Variants in GLIS2 observed in about 807,000 individuals in gnomAD.
GLIS2 encodes GLIS family zinc finger 2, also known as zinc finger protein GLIS2.
Under a neutral mutation model 35.6 loss-of-function variants are expected in GLIS2, and 14 were observed. The ratio of observed to expected loss-of-function variants is 0.39; its 90% confidence interval spans 0.26 to 0.61. GLIS2 has a LOEUF of 0.61. Ranked by LOEUF, GLIS2 falls within the 20% of genes least tolerant of loss-of-function variation. The probability of loss-of-function intolerance (pLI) is 0.48; values close to 1 mark genes in which losing one functional copy is unlikely to be tolerated. For missense variants in GLIS2, 675 were observed against 713.4 expected (o/e 0.95, Z 0.61); for synonymous variants, 368 against 325.1 (o/e 1.13, Z -1.42).
At chr16:4,327,541 C>A (rs2053445714) in intron 1 of GLIS2, among the ~76,000 whole-genome samples, 1 of 152,212 alleles carries the variant, frequency 6.6e-6, no homozygotes, top group South Asian at 2.1e-4. Flanking sequence ...TCCTTGGCTA[C>A]CTGGCCTGGC....
chr16:4,325,646 G>A (rs963417368), intron 1 of GLIS2, among the ~76,000 whole-genome samples: 2 of 152,118 alleles, frequency 1.3e-5, no homozygotes, highest in African/African-American at 4.8e-5. Context: ...GAAGATGACG[G>A]GCTGGGCGTG....
chr16:4,337,925 C>G lies in GLIS2; in HGVS notation c.*401C>G, dbSNP rs1055630533. On this transcript the variant is annotated 3_prime_UTR_variant, in exon 7 of 7. Coordinates refer to ENST00000433375, the MANE Select transcript of GLIS2 (RefSeq NM_032575.3). ...GGTGGGGTGGCATCTGCCCTCCCTG[C>G]TAGCACCAGGCTCCCCCTTCCTGAG... 7.2e-5 allele frequency: 26 copies of G among 361,212 alleles called. No individual in the cohort carries two copies. Among genetic ancestry groups the G allele is most frequent in the Non-Finnish European group, 1.2e-4 (22 of 190,556 alleles). The allele number at this position is 361,212 out of a possible 1,614,324, so 22.4% of individuals were successfully genotyped here. A position where few individuals can be genotyped will look rare whatever the true frequency, so the allele number is the denominator to read the frequency against.
chr16:4,336,807 C>G lies in GLIS2; in HGVS notation c.858C>G (p.Thr286=), dbSNP rs200293146. The stretch of plus-strand genomic sequence containing the variant: ...GTGACCGCTTTAAGCACACGCGCAC[C>G]CACTATGTGGACAAGCCCTACTACT... The part of the protein sequence containing the change: ...NSSDRFKHTR[T]HYVDKPYYCK... Residue 286 remains threonine (T), a synonymous_variant, in exon 7 of 7, where the codon ACC becomes ACG. Transcript: ENST00000433375. The G allele has an allele frequency of 8.1e-6, 13 of 1,612,138 alleles. No individual in the cohort carries two copies. The highest frequency in any genetic ancestry group is 9.3e-6 in the Non-Finnish European group (11 of 1,179,328).
rs748007729 is a variant in GLIS2 at position 4,337,322 on chromosome 16, T to C, written c.1373T>C (p.Met458Thr). The change falls in exon 7 of 7, where the codon ATG (methionine) becomes ACG (threonine). Residue 458 changes from methionine to threonine, a missense_variant. This residue lies in a region of GLIS2 where 317 missense variants were observed against 283.2 expected (regional missense o/e 1.12). Transcript: ENST00000433375. The part of the protein sequence containing the change: ...RGSVPTRALG[M>T]EGHKTPLERT... ...TCGGTGCCCACCAGGGCCCTGGGCA[T>C]GGAGGGCCACAAGACGCCCCTTGAA... The C allele has an allele frequency of 1.3e-6, 2 of 1,576,784 alleles. No individual in the cohort carries two copies. The highest frequency in any genetic ancestry group is 8.6e-7 in the Non-Finnish European group (1 of 1,162,976).
At position 4,332,465 on chromosome 16, in the gene GLIS2, G is replaced by A. The variant is rs1486037883; in HGVS notation, c.172+13G>A. The A allele has an allele frequency of 6.2e-7, 1 of 1,609,386 alleles. No homozygotes were observed. Among genetic ancestry groups the A allele is most frequent in the South Asian group, 1.1e-5 (1 of 90,854 alleles). On this transcript the variant is annotated intron_variant, in intron 2 of 6. Transcript: ENST00000433375. The surrounding 1 kb of genome is among the most constrained non-coding windows in gnomAD (Gnocchi z 5.4). ...TCCCCGCCCTCAGGTACTGGCCCTG[G>A]GCAGGGCAGGGGGACTTAGCCCTGA...
chr16:4,326,532 A>G (rs2053431794), intron 1 of GLIS2: 1 of 152,160 alleles, frequency 6.6e-6, no homozygotes. Context: ...GTGGGTGCAC[A>G]CAGCCCCCCA....
At chr16:4,322,701 G>A (rs529335957) in intron 1 of GLIS2, among the ~76,000 whole-genome samples, 4 of 151,676 alleles carry the variant, frequency 2.6e-5, no homozygotes, top group African/African-American at 4.8e-5. Context: ...AGGGCCTGGC[G>A]TTGGAATGCA....
chr16:4,336,979 G>T lies in GLIS2; in HGVS notation c.1030G>T (p.Gly344Cys). 6.2e-7 allele frequency: 1 copy of T among 1,609,662 alleles called. No individual in the cohort carries two copies. The highest frequency in any genetic ancestry group is 8.5e-7 in the Non-Finnish European group (1 of 1,179,006). ...CAAGCCGCCACTGCCCGCCCCCGAC[G>T]GCGGCCCCTATGTCAGTGGGGCCCA... ...PPKPPLPAPD[G>C]GPYVSGAQII... The change falls in exon 7 of 7, where the codon GGC (glycine) becomes TGC (cysteine). Residue 344 changes from glycine to cysteine, a missense_variant. Transcript: ENST00000433375.
rs1301916198 is a variant in GLIS2, at chr16:4,332,122, C to G, written c.-66-93C>G. The G allele has an allele frequency of 7.5e-6, 7 of 939,246 alleles. No individual in the cohort carries two copies. Among genetic ancestry groups the G allele is most frequent in the Admixed American group, 2.0e-5 (1 of 50,072 alleles). The allele number at this position is 939,246 out of a possible 1,614,324, so 58.2% of individuals were successfully genotyped here. A position where few individuals can be genotyped will look rare whatever the true frequency, so the allele number is the denominator to read the frequency against. ...TACCCAGGAGACAACCTCACACTGC[C>G]CCCTGCTCCTGCTCCTGTTAGACTG... On this transcript the variant is annotated intron_variant, in intron 1 of 6. Coordinates refer to ENST00000433375, the MANE Select transcript of GLIS2 (RefSeq NM_032575.3). The surrounding 1 kb of genome is among the most constrained non-coding windows in gnomAD (Gnocchi z 5.4).
Position 4,337,365 on chromosome 16 carries a change from C to A in GLIS2, c.1416C>A (p.Cys472Ter). 6.3e-7 allele frequency: 1 copy of A among 1,593,274 alleles called. No homozygotes were observed. Residue 472 changes from cysteine to a stop codon, truncating the protein, a stop_gained, in exon 7 of 7, where the codon TGC becomes TGA. Coordinates refer to ENST00000433375, the MANE Select transcript of GLIS2 (RefSeq NM_032575.3). LOFTEE classifies it high-confidence loss of function. Reference sequence around the variant, plus strand: ...CCCTTGAAAGGACGGAGAGCAGCTGCTCCCGGCCAAGCCCCGATGGACTCC... The same window carrying A: ...CCCTTGAAAGGACGGAGAGCAGCTGATCCCGGCCAAGCCCCGATGGACTCC... ...KTPLERTESS[C>*]SRPSPDGLPL...
rs1046966628 is a variant in GLIS2 at position 4,332,928 on chromosome 16, G to A, written c.173-419G>A. 3.3e-5 allele frequency among the ~76,000 whole-genome samples: 5 copies of A among 152,308 alleles called. No individual in the cohort carries two copies. Among genetic ancestry groups the A allele is most frequent in the Middle Eastern group, 3.4e-3 (1 of 294 alleles). On this transcript the variant is annotated intron_variant, in intron 2 of 6. Coordinates refer to ENST00000433375, the MANE Select transcript of GLIS2 (RefSeq NM_032575.3). This position sits in a 1 kb window ranked among gnomAD's most constrained non-coding sequence, Gnocchi z 5.4. Reference sequence around the variant, plus strand: ...CCAGATTCACCGCTTGTCTGAAGGGGAAGGCTATGGGAGCAGCCCAGCCCG... The same window carrying A: ...CCAGATTCACCGCTTGTCTGAAGGGAAAGGCTATGGGAGCAGCCCAGCCCG...
At chr16:4,327,200 G>A (rs2053441123) in intron 1 of GLIS2, among the ~76,000 whole-genome samples, 1 of 152,212 alleles carries the variant, frequency 6.6e-6, no homozygotes, top group Non-Finnish European at 1.5e-5. Context: ...GGCCTAGAAG[G>A]AGCTTTATTC....
At chr16:4,329,726 G>A (rs774879678) in intron 1 of GLIS2, among the ~76,000 whole-genome samples, 9 of 152,296 alleles carry the variant, frequency 5.9e-5, no homozygotes, top group South Asian at 2.1e-4. Flanking sequence ...ATTTCACCAT[G>A]TAGTAGTTAT....
At position 4,332,125 on chromosome 16, in the gene GLIS2, C is replaced by T; in HGVS notation, c.-66-90C>T. On this transcript the variant is annotated intron_variant, in intron 1 of 6. Coordinates refer to ENST00000433375, the MANE Select transcript of GLIS2 (RefSeq NM_032575.3). This position sits in a 1 kb window ranked among gnomAD's most constrained non-coding sequence, Gnocchi z 5.4. Reference sequence around the variant, plus strand: ...CCAGGAGACAACCTCACACTGCCCCCTGCTCCTGCTCCTGTTAGACTGTCA... The same window carrying T: ...CCAGGAGACAACCTCACACTGCCCCTTGCTCCTGCTCCTGTTAGACTGTCA... 3.1e-6 allele frequency: 3 copies of T among 965,364 alleles called. No individual in the cohort carries two copies. Among genetic ancestry groups the T allele is most frequent in the East Asian group, 5.2e-5 (2 of 38,112 alleles). 59.8% of individuals were successfully genotyped at this position (965,364 alleles called of 1,614,324 possible).
chr16:4,329,917 G>A (rs2053480065), intron 1 of GLIS2, among the ~76,000 whole-genome samples: 2 of 152,192 alleles, frequency 1.3e-5, no homozygotes, highest in South Asian at 4.1e-4. Context: ...TGAAGTTTGG[G>A]TTTAGAATGA....
rs1231324765 is a variant in GLIS2 at position 4,338,175 on chromosome 16, A to AGGCCG, written c.*655_*656insGGGCC. 6.4e-6 allele frequency: 1 copy of AGGCCG among 156,888 alleles called. No homozygotes were observed. Among genetic ancestry groups the AGGCCG allele is most frequent in the Non-Finnish European group, 1.4e-5 (1 of 70,882 alleles). 9.7% of individuals were successfully genotyped at this position (156,888 alleles called of 1,614,324 possible). On this transcript the variant is annotated 3_prime_UTR_variant, in exon 7 of 7. Transcript: ENST00000433375. ...GCAGCCGCCGTCCTCACCCCAGGCC[A>AGGCCG]GGCCTGCAGTACCAGACGGGATAGC...
intron 6 of GLIS2, chr16:4,336,339 G>A (rs573036646): frequency 2.5e-6 from 1 of 404,640 alleles, no homozygotes; most frequent in East Asian, 5.3e-5. Context: ...TAGAGACGGG[G>A]TCTCACCATG....
At chr16:4,318,710 C>T (rs1008713998) in intron 1 of GLIS2, among the ~76,000 whole-genome samples, 5 of 152,264 alleles carry the variant, frequency 3.3e-5, no homozygotes, top group African/African-American at 1.2e-4. Context: ...CCCTCCTTCC[C>T]GGCCTGGCCT....
chr16:4,315,673 G>C (rs1007753018), upstream of GLIS2, among the ~76,000 whole-genome samples: 10 of 151,296 alleles, frequency 6.6e-5, 1 homozygote, highest in South Asian at 1.3e-3. Flanking sequence ...CCGCGGGGGG[G>C]GGGTGGCGTG....
Sources: gnomAD v4.1 joint callset for allele counts (sites outside exome capture counted in the v4.1 genomes callset) on GRCh38, gnomAD v4.1.1 for gene constraint, gnomAD v4.1.1 regional missense constraint, Gnocchi (gnomAD v3.1) non-coding constraint, MANE v1.5 for transcripts, NCBI Gene and HGNC (gene_info 2026-07-23, HGNC 2026-07-21) for gene names.